SREK1IP1: variants seen among roughly 807,000 people sequenced by gnomAD.
The protein encoded by SREK1IP1 is SREK1 interacting protein 1.
SREK1IP1 carries 12 observed loss-of-function variants against 22.8 expected under a neutral mutation model. That is an observed-to-expected ratio of 0.53 (90% CI 0.34 to 0.85). The LOEUF is 0.85. Ranked by LOEUF, SREK1IP1 falls within the 40% of genes least tolerant of loss-of-function variation. SREK1IP1 has a pLI of 0.02. For missense variants in SREK1IP1, 147 were observed against 171.8 expected (o/e 0.86, Z 0.81); for synonymous variants, 53 against 52.7 (o/e 1.01, Z -0.02).
intron 4 of SREK1IP1, among the ~76,000 whole-genome samples, chr5:64,725,879 T>TC (rs57707275): frequency 6.8e-6 from 1 of 146,016 alleles, no homozygotes; most frequent in Non-Finnish European, 1.5e-5. Flanking sequence ...TTTTTTTTTT[T>TC]CTGAGACAGA....
intron 2 of SREK1IP1, among the ~76,000 whole-genome samples, chr5:64,745,772 G>A (rs1475650553): frequency 6.6e-6 from 1 of 152,010 alleles, no homozygotes; most frequent in African/African-American, 2.4e-5. Flanking sequence ...GCGACCCTAA[G>A]GTGATAAGAC....
intron 3 of SREK1IP1, among the ~76,000 whole-genome samples, chr5:64,729,414 G>T (rs375475350): frequency 9.2e-5 from 14 of 152,174 alleles, no homozygotes; most frequent in African/African-American, 2.4e-4. Flanking sequence ...CTAAGAAGAG[G>T]TTGTTGCGGA....
chr5:64,764,734 T>G (rs1008233686), intron 1 of SREK1IP1, among the ~76,000 whole-genome samples: 1 of 152,168 alleles, frequency 6.6e-6, no homozygotes, highest in Non-Finnish European at 1.5e-5. Flanking sequence ...AGAACTAAGT[T>G]CATGCCTCCC....
At chr5:64,738,522 C>G (rs903738596) in intron 3 of SREK1IP1, among the ~76,000 whole-genome samples, 1 of 142,210 alleles carries the variant, frequency 7.0e-6, no homozygotes, top group Non-Finnish European at 1.5e-5. Flanking sequence ...AGACCCCATA[C>G]AGCCAAAGCA....
chr5:64,752,144 G>GGT (rs1554065460), intron 2 of SREK1IP1, among the ~76,000 whole-genome samples: 17 of 85,470 alleles, frequency 2.0e-4, no homozygotes, highest in Admixed American at 5.2e-4. Flanking sequence ...TTTTTTTTGT[G>GGT]TGTTTTTTTT....
chr5:64,754,429 A>T, intron 1 of SREK1IP1, 67 bp from the exon 2 acceptor site: 1 of 1,486,128 alleles, frequency 6.7e-7, no homozygotes, highest in Non-Finnish European at 9.3e-7. Flanking sequence ...ACTTTATTGT[A>T]TGAAAAAAGC....
intron 1 of SREK1IP1, among the ~76,000 whole-genome samples, chr5:64,767,490 T>TC (rs765694532): frequency 2.0e-5 from 3 of 150,178 alleles, no homozygotes; most frequent in Non-Finnish European, 4.5e-5. Context: ...CCAGATGTAC[T>TC]CCTCCGCAAA....
intron 3 of SREK1IP1, among the ~76,000 whole-genome samples, chr5:64,733,316 TA>T (rs1377317545): frequency 6.6e-6 from 1 of 152,076 alleles, no homozygotes; most frequent in Non-Finnish European, 1.5e-5. Flanking sequence ...TAGAATGGTA[TA>T]AAGAATATCA....
intron 1 of SREK1IP1, among the ~76,000 whole-genome samples, chr5:64,762,084 T>A (rs1742961411): frequency 6.6e-6 from 1 of 152,214 alleles, no homozygotes; most frequent in Non-Finnish European, 1.5e-5. Flanking sequence ...ATCACCTATC[T>A]TTCCAAAGGC....
chr5:64,738,014 A>T (rs927324720), intron 3 of SREK1IP1, among the ~76,000 whole-genome samples: 1 of 152,166 alleles, frequency 6.6e-6, no homozygotes, highest in Non-Finnish European at 1.5e-5. Flanking sequence ...AATTAAGCCA[A>T]TTCTTCCAAA....
chr5:64,731,456 G>A (rs1175151518), intron 3 of SREK1IP1, among the ~76,000 whole-genome samples: 1 of 150,222 alleles, frequency 6.7e-6, no homozygotes, highest in Non-Finnish European at 1.5e-5. Context: ...TGAGGCTGCA[G>A]TGATTCCAGA....
At chr5:64,746,148 C>T (rs570461754) in intron 2 of SREK1IP1, among the ~76,000 whole-genome samples, 3 of 152,266 alleles carry the variant, frequency 2.0e-5, no homozygotes, top group East Asian at 3.9e-4. Context: ...ACAGATGGTA[C>T]AGAGACAACT....
At chr5:64,743,398 CCA>C (rs1247192414) in intron 2 of SREK1IP1, among the ~76,000 whole-genome samples, 1 of 152,148 alleles carries the variant, frequency 6.6e-6, no homozygotes, top group Non-Finnish European at 1.5e-5. Context: ...TCTATAATTT[CCA>C]CACAAAGATG....
Sources: allele counts gnomAD v4.1 joint callset (sites outside exome capture counted in the v4.1 genomes callset), GRCh38; gene constraint gnomAD v4.1.1; transcripts MANE v1.5; gene names NCBI Gene and HGNC (gene_info 2026-07-23, HGNC 2026-07-21).